Variants in IQCJ observed in about 807,000 individuals in gnomAD.
IQCJ encodes the protein IQ domain-containing protein J.
IQCJ carries 9 observed loss-of-function variants against 11.0 expected under a neutral mutation model. The ratio of observed to expected loss-of-function variants is 0.82; its 90% confidence interval spans 0.49 to 1.43. The LOEUF is 1.43. IQCJ is among the 40% of genes most tolerant of loss of function. IQCJ has a pLI of 0.00. For missense variants in IQCJ, 146 were observed against 133.2 expected, an observed-to-expected ratio of 1.10 and a Z score of -0.47; for synonymous variants, 55 against 51.3, an observed-to-expected ratio of 1.07 and a Z score of -0.31.
At chr3:159,132,406 C>T (rs1326493779) in intron 1 of IQCJ, among the ~76,000 whole-genome samples, 2 of 152,128 alleles carry the variant, frequency 1.3e-5, no homozygotes. Context: ...TTTTTCTTCC[C>T]CTAAATGATT....
At chr3:159,087,399 C>T (rs1261064475) in intron 1 of IQCJ, among the ~76,000 whole-genome samples, 1 of 144,452 alleles carries the variant, frequency 6.9e-6, no homozygotes, top group Non-Finnish European at 1.5e-5. Context: ...TGTGTCTCTG[C>T]CTGGCTTTGG....
intron 1 of IQCJ, among the ~76,000 whole-genome samples, chr3:159,235,459 A>G (rs1726523260): frequency 6.6e-6 from 1 of 152,174 alleles, no homozygotes; most frequent in African/African-American, 2.4e-5. Flanking sequence ...AGGAGAGGGG[A>G]ATATTTAAGC....
intron 1 of IQCJ, among the ~76,000 whole-genome samples, chr3:159,101,462 G>A (rs1225975093): frequency 6.6e-6 from 1 of 152,190 alleles, no homozygotes; most frequent in African/African-American, 2.4e-5. Context: ...TGTGAACACT[G>A]GTGGTTGGTC....
intron 1 of IQCJ, among the ~76,000 whole-genome samples, chr3:159,177,816 GGAGA>G (rs1355381087): frequency 2.0e-5 from 3 of 152,110 alleles, no homozygotes; most frequent in African/African-American, 7.2e-5. Flanking sequence ...AAGAGGGGAG[GGAGA>G]AAGTATGAAA....
chr3:159,222,966 G>T (rs1017345402), intron 1 of IQCJ, among the ~76,000 whole-genome samples: 1 of 152,054 alleles, frequency 6.6e-6, no homozygotes, highest in Non-Finnish European at 1.5e-5. Context: ...GAAAGTGTAT[G>T]TGACTTAGGG....
At position 159,091,660 on chromosome 3, in the gene IQCJ, A is replaced by ACACACG. The variant is rs1553775103; in HGVS notation, c.9+22224_9+22225insGCACAC. Among the ~76,000 whole-genome samples the ACACACG allele has an allele frequency of 7.4e-4, 42 of 56,380 alleles. 3 individuals carry two copies. The East Asian group carries it at 9.0e-3, about 12-fold the overall frequency. 37.0% of individuals were successfully genotyped at this position (56,380 alleles called of 152,430 possible). A position where few individuals can be genotyped will look rare whatever the true frequency, so the allele number is the denominator to read the frequency against. On this transcript the variant is annotated intron_variant, in intron 1 of 3. Coordinates refer to ENST00000397832, the MANE Select transcript of IQCJ (RefSeq NM_001042706.3). ...TAAAGGGGTATTTACACACACACAC[A>ACACACG]CACACACACGCATGCACACACACAC... is the stretch of plus-strand genomic sequence containing the variant.
intron 1 of IQCJ, among the ~76,000 whole-genome samples, chr3:159,159,106 G>A (rs890812944): frequency 3.3e-5 from 5 of 152,182 alleles, no homozygotes; most frequent in Non-Finnish European, 7.3e-5. Flanking sequence ...TTAATAGGAA[G>A]AAAGAGGTGA....
intron 1 of IQCJ, among the ~76,000 whole-genome samples, chr3:159,165,083 T>TA (rs35031833): frequency 0.45 from 67,930 of 151,896 alleles, 15,459 homozygotes; most frequent in South Asian, 0.58. Context: ...TGTACCAAAC[T>TA]AAAAGTAGGA....
At position 159,173,683 on chromosome 3, in the gene IQCJ, C is replaced by T. The variant is rs139469078; in HGVS notation, c.10-72160C>T. Among the ~76,000 whole-genome samples, 987 of 152,262 alleles carry T rather than the reference C, an allele frequency of 6.5e-3. 3 individuals are homozygous for T. Among genetic ancestry groups the T allele is most frequent in the African/African-American group, 0.022 (930 of 41,554 alleles). On this transcript the variant is annotated intron_variant, in intron 1 of 3. Transcript: ENST00000397832. ...TCTTTTGACTCCCTCGCTGCTGCAG[C>T]GAAGTTTGCTGCCAACTGATTGTCA... is the stretch of plus-strand genomic sequence containing the variant.
intron 1 of IQCJ, among the ~76,000 whole-genome samples, chr3:159,106,082 A>G (rs748853970): frequency 6.6e-6 from 1 of 152,176 alleles, no homozygotes; most frequent in African/African-American, 2.4e-5. Context: ...TTGCTAGTTC[A>G]TGGAATGTGT....
intron 2 of IQCJ, among the ~76,000 whole-genome samples, chr3:159,249,422 A>G (rs1472942885): frequency 1.3e-5 from 2 of 152,094 alleles, no homozygotes; most frequent in Non-Finnish European, 2.9e-5. Flanking sequence ...ATCCCGATTG[A>G]GGAATTCCAG....
intron 3 of IQCJ, among the ~76,000 whole-genome samples, chr3:159,254,530 C>T (rs867664160): frequency 1.6e-4 from 24 of 152,316 alleles, no homozygotes; most frequent in Middle Eastern, 3.4e-3. Flanking sequence ...AACAATAGAA[C>T]TTGAGTCCCA....
intron 1 of IQCJ, among the ~76,000 whole-genome samples, chr3:159,089,671 C>T (rs1717090632): frequency 2.0e-5 from 3 of 151,716 alleles, no homozygotes; most frequent in Admixed American, 2.0e-4. Flanking sequence ...TCATTCATTT[C>T]ATCTTCCATT....
At chr3:159,079,276 C>T (rs928669597) in intron 1 of IQCJ, among the ~76,000 whole-genome samples, 4 of 152,036 alleles carry the variant, frequency 2.6e-5, no homozygotes, top group Admixed American at 6.6e-5. Flanking sequence ...AACAGTAAGA[C>T]GAGGGAGCAG....
intron 1 of IQCJ, among the ~76,000 whole-genome samples, chr3:159,187,676 C>G (rs552256044): frequency 1.3e-5 from 2 of 152,180 alleles, no homozygotes; most frequent in Non-Finnish European, 2.9e-5. Context: ...CAGGGAAGCT[C>G]GAAGGATGGC....
intron 1 of IQCJ, among the ~76,000 whole-genome samples, chr3:159,154,224 T>C (rs1391217279): frequency 2.0e-5 from 3 of 152,058 alleles, no homozygotes; most frequent in Non-Finnish European, 4.4e-5. Flanking sequence ...GCTTCATAAT[T>C]TTTTTTACAT....
chr3:159,207,806 T>A (rs1357597688), intron 1 of IQCJ, among the ~76,000 whole-genome samples: 1 of 152,208 alleles, frequency 6.6e-6, no homozygotes, highest in African/African-American at 2.4e-5. Flanking sequence ...GGAGGGGTAA[T>A]AACGAACTTT....
chr3:159,253,789 G>T (rs1727739898), intron 3 of IQCJ, among the ~76,000 whole-genome samples: 1 of 152,240 alleles, frequency 6.6e-6, no homozygotes, highest in Admixed American at 6.5e-5. Flanking sequence ...ACCTTGAGGT[G>T]TGTACAACGT....
intron 1 of IQCJ, among the ~76,000 whole-genome samples, chr3:159,186,184 G>A (rs868340038): frequency 3.3e-5 from 5 of 152,126 alleles, no homozygotes; most frequent in Admixed American, 2.0e-4. Context: ...AGGGTATGGG[G>A]TGAGTCTGAT....
Sources: allele counts gnomAD v4.1 joint callset (sites outside exome capture counted in the v4.1 genomes callset), GRCh38; gene constraint gnomAD v4.1.1; transcripts MANE v1.5; gene names NCBI Gene and HGNC (gene_info 2026-07-23, HGNC 2026-07-21).